The following SLC2A13 variants were observed in gnomAD, a reference collection of about 807,000 sequenced individuals.
SLC2A13 encodes the protein proton myo-inositol cotransporter.
SLC2A13 carries 32 observed loss-of-function variants against 64.4 expected under a neutral mutation model. The ratio of observed to expected loss-of-function variants is 0.50; its 90% CI spans 0.37 to 0.67. The LOEUF (loss-of-function observed/expected upper bound fraction) is 0.67, where lower values mean the gene tolerates loss of function less well. Ranked by LOEUF, SLC2A13 falls within the 30% of genes least tolerant of loss-of-function variation. The pLI, the probability that SLC2A13 is intolerant of heterozygous loss-of-function variation, is 0.00. For missense variants in SLC2A13, 743 were observed against 829.2 expected (o/e 0.90, Z 1.28); for synonymous variants, 338 against 327.1 (o/e 1.03, Z -0.36).
intron 6 of SLC2A13, among the ~76,000 whole-genome samples, chr12:39,838,612 C>A (rs1274658159): frequency 1.3e-5 from 2 of 151,532 alleles, no homozygotes; most frequent in Non-Finnish European, 2.9e-5. Context: ...AAAAATGCTT[C>A]CAATTAAAGT....
At chr12:40,072,352 ATG>A (rs1271176588) in intron 1 of SLC2A13, among the ~76,000 whole-genome samples, 1 of 152,110 alleles carries the variant, frequency 6.6e-6, no homozygotes, top group Admixed American at 6.6e-5. Context: ...CTAGGGAAGA[ATG>A]TGTATTCTGT....
intron 1 of SLC2A13, among the ~76,000 whole-genome samples, chr12:40,104,815 G>T (rs1214952982): frequency 1.3e-5 from 2 of 152,186 alleles, no homozygotes; most frequent in Non-Finnish European, 2.9e-5. Flanking sequence ...TAGGTTCCAG[G>T]CTGGGAGCCC....
chr12:39,790,112 G>A (rs4576894), intron 7 of SLC2A13, among the ~76,000 whole-genome samples: 146,942 of 149,948 alleles, frequency 0.98, 72,005 homozygotes, highest in East Asian at 1. Context: ...AAGATTCTGT[G>A]CATTCTTTTG....
chr12:39,779,134 G>A (rs1940885182), intron 7 of SLC2A13, among the ~76,000 whole-genome samples: 1 of 152,150 alleles, frequency 6.6e-6, no homozygotes, highest in Non-Finnish European at 1.5e-5. Context: ...CCCTGAGCTG[G>A]GTGGCCTATG....
chr12:39,852,137 T>C (rs1943485949), intron 6 of SLC2A13, among the ~76,000 whole-genome samples: 1 of 152,184 alleles, frequency 6.6e-6, no homozygotes, highest in Admixed American at 6.5e-5. Context: ...CTGCTTGTTA[T>C]GAGGTTTGTA....
At position 39,955,942 on chromosome 12, in the gene SLC2A13, C is replaced by G. The variant is rs560686216; in HGVS notation, c.926-4577G>C. On this transcript the variant is annotated intron_variant, in intron 3 of 9. Transcript: ENST00000280871. Reference sequence around the variant, plus strand: ...ACTGTGAGAAAATAAATGTCTACTGCGTTAAGCTACCAAATTTGTAGTAAT... The same window carrying G: ...ACTGTGAGAAAATAAATGTCTACTGGGTTAAGCTACCAAATTTGTAGTAAT... Among the ~76,000 whole-genome samples the G allele has an allele frequency of 6.6e-5, 10 of 152,218 alleles. No homozygotes were observed. In the East Asian group the frequency reaches 1.7e-3, roughly 26 times the overall value.
At chr12:40,071,030 T>C (rs1937937013) in intron 1 of SLC2A13, among the ~76,000 whole-genome samples, 1 of 152,138 alleles carries the variant, frequency 6.6e-6, no homozygotes, top group Non-Finnish European at 1.5e-5. Flanking sequence ...CTCTGAACCC[T>C]CTTACCTAGG....
At chr12:39,861,384 T>C (rs1316425875) in intron 6 of SLC2A13, among the ~76,000 whole-genome samples, 5 of 152,196 alleles carry the variant, frequency 3.3e-5, no homozygotes, top group Admixed American at 3.3e-4. Context: ...AATAAGTGAA[T>C]AAGATAAAAA....
chr12:40,099,194 A>C lies in SLC2A13; in HGVS notation c.556+6059T>G, dbSNP rs189656689. Among the ~76,000 whole-genome samples the C allele has an allele frequency of 2.6e-5, 4 of 152,324 alleles. No individual in the cohort carries two copies. In the East Asian group the frequency reaches 7.7e-4, roughly 29 times the overall value. ...AAATTTTACATGTGGGAAAAGTTTGAGGTTTTTCTGGTGAGTATGAATTTT... is the reference window on the plus strand; with the variant it reads ...AAATTTTACATGTGGGAAAAGTTTGCGGTTTTTCTGGTGAGTATGAATTTT... On this transcript the variant is annotated intron_variant, in intron 1 of 9. Coordinates refer to ENST00000280871, the MANE Select transcript of SLC2A13 (RefSeq NM_052885.4).
intron 5 of SLC2A13, among the ~76,000 whole-genome samples, chr12:39,871,485 GA>G (rs11312316): frequency 0.71 from 106,132 of 150,390 alleles, 37,715 homozygotes; most frequent in African/African-American, 0.8. Flanking sequence ...AAAAAGGATA[GA>G]AAAAAAAAAC....
intron 3 of SLC2A13, among the ~76,000 whole-genome samples, chr12:39,968,749 G>GGT (rs1555144096): frequency 9.3e-6 from 1 of 107,922 alleles, no homozygotes; most frequent in Non-Finnish European, 1.9e-5. Context: ...TATTTTTGTT[G>GGT]TTTTTTTTTG....
chr12:40,096,851 T>C (rs1938960393), intron 1 of SLC2A13, among the ~76,000 whole-genome samples: 1 of 152,190 alleles, frequency 6.6e-6, no homozygotes, highest in Non-Finnish European at 1.5e-5. Flanking sequence ...CTAGAAAGTA[T>C]CATCTTGGGA....
chr12:40,103,755 C>G (rs902300833), intron 1 of SLC2A13, among the ~76,000 whole-genome samples: 1 of 152,158 alleles, frequency 6.6e-6, no homozygotes, highest in Non-Finnish European at 1.5e-5. Context: ...CCCAAGCAGA[C>G]AATGCTGAGA....
chr12:39,963,516 C>G (rs1044707172), intron 3 of SLC2A13, among the ~76,000 whole-genome samples: 8 of 152,114 alleles, frequency 5.3e-5, no homozygotes, highest in Non-Finnish European at 8.8e-5. Context: ...AGACAACAGG[C>G]TCCCATAATA....
chr12:39,913,375 C>A (rs1351301461), intron 4 of SLC2A13, among the ~76,000 whole-genome samples: 1 of 150,996 alleles, frequency 6.6e-6, no homozygotes, highest in African/African-American at 2.4e-5. Flanking sequence ...TAGAAAAGAT[C>A]GAAAAAATAA....
Position 39,764,614 on chromosome 12 carries a change from TG to T in SLC2A13, c.1568-3del. 6.3e-7 allele frequency: 1 copy of T among 1,586,082 alleles called. No individual in the cohort carries two copies. The highest frequency in any genetic ancestry group is 8.5e-7 in the Non-Finnish European group (1 of 1,171,464). On this transcript the variant is annotated splice_region_variant and splice_polypyrimidine_tract_variant and intron_variant, in intron 8 of 9. Coordinates refer to ENST00000280871, the MANE Select transcript of SLC2A13 (RefSeq NM_052885.4). Reference sequence around the variant, plus strand: ...CAGTCCAAGGCATTGGTCCCATTCCTGAGAAATAAAACATTAAAAACTTTAG... The same window carrying T: ...CAGTCCAAGGCATTGGTCCCATTCCTAGAAATAAAACATTAAAAACTTTAG...
chr12:39,939,080 G>A (rs1346874786), intron 4 of SLC2A13, among the ~76,000 whole-genome samples: 3 of 152,140 alleles, frequency 2.0e-5, no homozygotes, highest in Non-Finnish European at 2.9e-5. Flanking sequence ...CTGTTCCTTG[G>A]AGAGTACTCA....
intron 4 of SLC2A13, among the ~76,000 whole-genome samples, chr12:39,946,315 G>A (rs377438293): frequency 2.6e-5 from 4 of 152,172 alleles, no homozygotes; most frequent in African/African-American, 4.8e-5. Context: ...GTGGTTTAAC[G>A]CTCTATTTTT....
In SLC2A13 at chr12:39,758,898, T is replaced by C. The variant is rs1373766819; in HGVS notation, c.*1128A>G. On this transcript the variant is annotated 3_prime_UTR_variant, in exon 10 of 10. Coordinates refer to ENST00000280871, the MANE Select transcript of SLC2A13 (RefSeq NM_052885.4). Reference sequence around the variant, plus strand: ...AGACAAGTACAATTAAATAATAATATGTGACATTTCCCTTAGGAAGAGCTA... The same window carrying C: ...AGACAAGTACAATTAAATAATAATACGTGACATTTCCCTTAGGAAGAGCTA... 1 of 152,016 alleles carries C rather than the reference T, an allele frequency of 6.6e-6. No individual in the cohort carries two copies. The highest frequency in any genetic ancestry group is 1.5e-5 in the Non-Finnish European group (1 of 67,880). 9.4% of individuals were successfully genotyped at this position (152,016 alleles called of 1,614,324 possible). A position where few individuals can be genotyped will look rare whatever the true frequency, so the allele number is the denominator to read the frequency against.
Sources: allele counts gnomAD v4.1 joint callset (sites outside exome capture counted in the v4.1 genomes callset), GRCh38; gene constraint gnomAD v4.1.1; transcripts MANE v1.5; gene names NCBI Gene and HGNC (gene_info 2026-07-23, HGNC 2026-07-21).